TANK: variants seen among roughly 807,000 people sequenced by gnomAD.
The protein encoded by TANK is TRAF family member associated NFKB activator, also known as TRAF family member-associated NF-kappa-B activator.
In TANK, 15 loss-of-function variants were observed where a neutral mutation model predicts 43.6. The observed-to-expected ratio is 0.34, with a 90% CI of 0.23 to 0.53. TANK has a LOEUF of 0.53. Ranked by LOEUF, TANK falls within the 20% of genes least tolerant of loss-of-function variation. TANK has a pLI of 0.94. For missense variants in TANK, 417 were observed against 498.6 expected (o/e 0.84, Z 1.56); for synonymous variants, 162 against 178.2 (o/e 0.91, Z 0.73).
At chr2:161,160,865 G>T in intron 1 of TANK, 1 of 502,630 alleles carries the variant, frequency 2.0e-6, no homozygotes, top group Non-Finnish European at 4.0e-6. Flanking sequence ...CTTCCCTTCG[G>T]GAGAGAGACT....
At chr2:161,224,555 T>C (rs1574064413) in intron 5 of TANK, 76 bp from the exon 6 acceptor site, 1 of 541,752 alleles carries the variant, frequency 1.8e-6, no homozygotes, top group Admixed American at 3.3e-5. Flanking sequence ...CATAAAATGG[T>C]ACTACATAAG....
chr2:161,169,432 G>GA (rs1300671958), intron 1 of TANK, among the ~76,000 whole-genome samples: 3 of 152,150 alleles, frequency 2.0e-5, no homozygotes, highest in Non-Finnish European at 2.9e-5. Flanking sequence ...CTAATCTAAT[G>GA]AAAAATTAGA....
At chr2:161,147,244 C>T (rs1339265894) in intron 1 of TANK, among the ~76,000 whole-genome samples, 1 of 152,182 alleles carries the variant, frequency 6.6e-6, no homozygotes, top group African/African-American at 2.4e-5. Context: ...ACCCTGGGAA[C>T]TTAGTGTGTT....
At chr2:161,140,692 T>A (rs1413221829) in intron 1 of TANK, among the ~76,000 whole-genome samples, 6 of 151,974 alleles carry the variant, frequency 3.9e-5, no homozygotes, top group Non-Finnish European at 8.8e-5. Flanking sequence ...AGGCTAGGAG[T>A]TTTTTAGTAC....
At chr2:161,151,019 C>T (rs1401675848) in intron 1 of TANK, among the ~76,000 whole-genome samples, 1 of 152,068 alleles carries the variant, frequency 6.6e-6, no homozygotes, top group Non-Finnish European at 1.5e-5. Context: ...TCTAATTTTC[C>T]TGTGATTTAT....
intron 1 of TANK, chr2:161,161,954 A>G (rs560090404): frequency 6.6e-6 from 1 of 152,286 alleles, no homozygotes; most frequent in Non-Finnish European, 1.5e-5. Flanking sequence ...CTTCTCCTAT[A>G]TTGCCTGTTA....
chr2:161,214,382 G>A (rs1687029737), intron 4 of TANK, among the ~76,000 whole-genome samples: 1 of 152,080 alleles, frequency 6.6e-6, no homozygotes, highest in Non-Finnish European at 1.5e-5. Context: ...TGCAGCAGAA[G>A]TCCTTTTGTG....
At chr2:161,152,762 A>T (rs912453317) in intron 1 of TANK, among the ~76,000 whole-genome samples, 2 of 152,214 alleles carry the variant, frequency 1.3e-5, no homozygotes, top group Non-Finnish European at 2.9e-5. Flanking sequence ...TATAACTTAA[A>T]ATGTCTAAAA....
intron 2 of TANK, among the ~76,000 whole-genome samples, chr2:161,196,318 T>C (rs1686146813): frequency 6.6e-6 from 1 of 152,068 alleles, no homozygotes; most frequent in Non-Finnish European, 1.5e-5. Context: ...CCAGGAACAG[T>C]TGGCCACATA....
rs375688309 is a variant in TANK at position 161,217,585 on chromosome 2, T to TTGTGTGTG, written c.328-6292_328-6285dup. Among the ~76,000 whole-genome samples, 1,177 of 136,614 alleles carry TTGTGTGTG rather than the reference T, an allele frequency of 8.6e-3. 10 individuals are homozygous for TTGTGTGTG. The highest frequency in any genetic ancestry group is 0.023 in the East Asian group (104 of 4,568). The allele number at this position is 136,614 out of a possible 152,430, so 89.6% of individuals were successfully genotyped here. A position where few individuals can be genotyped will look rare whatever the true frequency, so the allele number is the denominator to read the frequency against. Reference sequence around the variant, plus strand: ...TCTTCAGTGTTTTCAGGTAGTTGGTTTGTGTGTGTGTGTGTGTGTGTGTGT... The same window carrying TTGTGTGTG: ...TCTTCAGTGTTTTCAGGTAGTTGGTTTGTGTGTGTGTGTGTGTGTGTGTGTGTGTGTGT... On this transcript the variant is annotated intron_variant, in intron 4 of 7. Coordinates refer to ENST00000392749, the MANE Select transcript of TANK (RefSeq NM_001199135.3).
At chr2:161,148,134 C>G (rs1683969632) in intron 1 of TANK, among the ~76,000 whole-genome samples, 1 of 152,192 alleles carries the variant, frequency 6.6e-6, no homozygotes, top group South Asian at 2.1e-4. Flanking sequence ...ATTTTACACT[C>G]CAACCAGCAC....
intron 1 of TANK, among the ~76,000 whole-genome samples, chr2:161,165,102 C>A: frequency 7.3e-6 from 1 of 137,246 alleles, no homozygotes; most frequent in African/African-American, 2.7e-5. Context: ...CTAACATTGA[C>A]AACAAAGTAT....
chr2:161,211,907 C>G, intron 4 of TANK: 3 of 984,252 alleles, frequency 3.0e-6, no homozygotes, highest in Middle Eastern at 5.2e-4. Flanking sequence ...TTATATATAC[C>G]CTATTTTTAT....
At chr2:161,187,217 G>A (rs1685702090) in intron 2 of TANK, among the ~76,000 whole-genome samples, 1 of 152,108 alleles carries the variant, frequency 6.6e-6, no homozygotes, top group African/African-American at 2.4e-5. Context: ...TTTGAGCACA[G>A]GAGTTTAAGA....
chr2:161,194,709 C>T (rs1686066091), intron 2 of TANK, among the ~76,000 whole-genome samples: 1 of 152,122 alleles, frequency 6.6e-6, no homozygotes, highest in African/African-American at 2.4e-5. Flanking sequence ...GCTTATGCTA[C>T]CTCTAAAAGC....
At chr2:161,235,161 G>C (rs1233636564) in intron 7 of TANK, among the ~76,000 whole-genome samples, 181 bp from the exon 8 acceptor site, 2 of 152,080 alleles carry the variant, frequency 1.3e-5, no homozygotes, top group Non-Finnish European at 2.9e-5. Flanking sequence ...GTTTAGTTGT[G>C]CCCTTTATGA....
At chr2:161,189,391 C>T (rs1031487289) in intron 2 of TANK, among the ~76,000 whole-genome samples, 1 of 152,106 alleles carries the variant, frequency 6.6e-6, no homozygotes, top group South Asian at 2.1e-4. Context: ...TAGAAGGAAA[C>T]GAACTCAACA....
At chr2:161,216,285 G>A (rs1468070527) in intron 4 of TANK, 2 of 399,082 alleles carry the variant, frequency 5.0e-6, no homozygotes, top group African/African-American at 4.3e-5. Context: ...TGGACCGTAT[G>A]TCTGCTAGAC....
At chr2:161,190,711 T>C (rs535098577) in intron 2 of TANK, among the ~76,000 whole-genome samples, 1 of 152,216 alleles carries the variant, frequency 6.6e-6, no homozygotes, top group African/African-American at 2.4e-5. Context: ...AGCAGAAATA[T>C]TGTATGATTA....
Sources: allele counts gnomAD v4.1 joint callset (sites outside exome capture counted in the v4.1 genomes callset), GRCh38; gene constraint gnomAD v4.1.1; transcripts MANE v1.5; gene names NCBI Gene and HGNC (gene_info 2026-07-23, HGNC 2026-07-21).